Variants in PGAP1 observed in about 807,000 individuals in gnomAD.
PGAP1 encodes post-GPI attachment to proteins inositol deacylase 1.
PGAP1 carries 76 observed loss-of-function variants against 127.0 expected under a neutral mutation model. The observed-to-expected ratio is 0.60, with a 90% confidence interval of 0.50 to 0.72. PGAP1 has a LOEUF of 0.72. Among genes scored for constraint, PGAP1 ranks in the 30% least tolerant of loss-of-function variants. The probability of loss-of-function intolerance (pLI) is 0.00; values close to 1 mark genes in which losing one functional copy is unlikely to be tolerated. For synonymous variants in PGAP1, 362 were observed against 366.5 expected (o/e 0.99, Z 0.14); for missense variants, 982 against 1,071.3 (o/e 0.92, Z 1.16).
In PGAP1 at chr2:196,835,241, T is replaced by C. The variant is rs1700208879; in HGVS notation, c.*5993A>G. On this transcript the variant is annotated 3_prime_UTR_variant, in exon 27 of 27. Coordinates refer to ENST00000354764, the MANE Select transcript of PGAP1 (RefSeq NM_024989.4). ...CCTTTAAGATACGCATATTAAAAGGTTGTACTATGTTAGGTTCCAGTGGAC... is the reference window on the plus strand; with the variant it reads ...CCTTTAAGATACGCATATTAAAAGGCTGTACTATGTTAGGTTCCAGTGGAC... 6.6e-6 allele frequency: 1 copy of C among 152,014 alleles called. No individual in the cohort carries two copies. The highest frequency in any genetic ancestry group is 2.4e-5 in the African/African-American group (1 of 41,432). 9.4% of individuals were successfully genotyped at this position (152,014 alleles called of 1,614,324 possible).
At chr2:196,860,704 G>C (rs1434119405) in intron 20 of PGAP1, among the ~76,000 whole-genome samples, 1 of 152,042 alleles carries the variant, frequency 6.6e-6, no homozygotes, top group East Asian at 1.9e-4. Context: ...AAAATAGAAA[G>C]CAATTCCATC....
In PGAP1 at chr2:196,926,664, C is replaced by T. The variant is rs746578981; in HGVS notation, c.-48G>A. On this transcript the variant is annotated 5_prime_UTR_variant, in exon 1 of 27. Transcript: ENST00000354764. ...CCGCCGCCGCCCCCTCTACCTCCTT[C>T]TCCGCCGCGGGGCCCCAAGCCCGGA... The T allele has an allele frequency of 5.6e-6, 9 of 1,611,302 alleles. No individual in the cohort carries two copies. Among genetic ancestry groups the T allele is most frequent in the Non-Finnish European group, 7.6e-6 (9 of 1,178,902 alleles).
rs1700868139 is a variant in PGAP1, at chr2:196,855,895, T to C, written c.1862-7858A>G. The stretch of plus-strand genomic sequence containing the variant: ...TATATTTGAGAAGATGCACAGAATA[T>C]CTGACTTTAAGGGTTCCCAGCCTGA... On this transcript the variant is annotated intron_variant, in intron 20 of 26. Transcript: ENST00000354764. Among the ~76,000 whole-genome samples, 3 of 152,206 alleles carry C rather than the reference T, an allele frequency of 2.0e-5. No homozygotes were observed. In the South Asian group the frequency reaches 6.2e-4, roughly 32 times the overall value.
In PGAP1 at chr2:196,875,839, G is replaced by A. The variant is rs1701552004; in HGVS notation, c.1351-18C>T. On this transcript the variant is annotated intron_variant, in intron 13 of 26. Coordinates refer to ENST00000354764, the MANE Select transcript of PGAP1 (RefSeq NM_024989.4). Reference sequence around the variant, plus strand: ...ACAACAAACTGAAATATAAAACATTGATTTATTAGAAAAAGTAAGTTAAAT... The same window carrying A: ...ACAACAAACTGAAATATAAAACATTAATTTATTAGAAAAAGTAAGTTAAAT... The A allele has an allele frequency of 1.6e-6, 2 of 1,247,148 alleles. No individual in the cohort carries two copies. Among genetic ancestry groups the A allele is most frequent in the Admixed American group, 3.9e-5 (2 of 51,088 alleles). The allele number at this position is 1,247,148 out of a possible 1,614,324, so 77.3% of individuals were successfully genotyped here. A position where few individuals can be genotyped will look rare whatever the true frequency, so the allele number is the denominator to read the frequency against.
At chr2:196,919,492 C>T (rs1703115721) in intron 2 of PGAP1, among the ~76,000 whole-genome samples, 1 of 152,312 alleles carries the variant, frequency 6.6e-6, no homozygotes, top group East Asian at 1.9e-4. Flanking sequence ...GCTGTATCTC[C>T]AAGCCAGCAT....
chr2:196,861,732 T>C (rs558220607), intron 20 of PGAP1, among the ~76,000 whole-genome samples: 1 of 152,296 alleles, frequency 6.6e-6, no homozygotes, highest in East Asian at 1.9e-4. Context: ...AGAATGTGGA[T>C]TGTGAAGATT....
At chr2:196,874,124 G>A (rs1482479808) in intron 14 of PGAP1, among the ~76,000 whole-genome samples, 1 of 151,870 alleles carries the variant, frequency 6.6e-6, no homozygotes, top group Non-Finnish European at 1.5e-5. Context: ...ACAAAGGGTA[G>A]GGGGAAAAAT....
At chr2:196,906,987 A>C (rs1702742802) in intron 4 of PGAP1, among the ~76,000 whole-genome samples, 1 of 144,988 alleles carries the variant, frequency 6.9e-6, no homozygotes, top group Non-Finnish European at 1.5e-5. Flanking sequence ...GGTGTACCTG[A>C]AAGAGATGTG....
At chr2:196,888,831 C>A (rs1702002305) in intron 10 of PGAP1, among the ~76,000 whole-genome samples, 1 of 151,830 alleles carries the variant, frequency 6.6e-6, no homozygotes, top group South Asian at 2.1e-4. Flanking sequence ...TGTATAAAAT[C>A]CTTATAGGAA....
intron 16 of PGAP1, 90 bp from the exon 17 acceptor site, chr2:196,873,116 G>T: frequency 2.0e-6 from 1 of 491,752 alleles, no homozygotes; most frequent in Non-Finnish European, 3.6e-6. Flanking sequence ...TTATACAATT[G>T]TCCATTTCAT....
chr2:196,848,048 A>T lies in PGAP1; in HGVS notation c.1862-11T>A. On this transcript the variant is annotated splice_polypyrimidine_tract_variant and intron_variant, in intron 20 of 26. Coordinates refer to ENST00000354764, the MANE Select transcript of PGAP1 (RefSeq NM_024989.4). ...ATTCTAAGCAACAACCTGGTGATTTAAAAAAAGTTACATGCAATTTACAGT... is the reference window on the plus strand; with the variant it reads ...ATTCTAAGCAACAACCTGGTGATTTTAAAAAAGTTACATGCAATTTACAGT... 6.4e-7 allele frequency: 1 copy of T among 1,570,770 alleles called. No individual in the cohort carries two copies. The highest frequency in any genetic ancestry group is 8.6e-7 in the Non-Finnish European group (1 of 1,158,176).
intron 20 of PGAP1, 58 bp from the exon 21 acceptor site, chr2:196,848,095 T>C: frequency 8.6e-7 from 1 of 1,167,996 alleles, no homozygotes; most frequent in South Asian, 1.5e-5. Context: ...AGATATACTA[T>C]ATCCCACGTT....
intron 20 of PGAP1, among the ~76,000 whole-genome samples, chr2:196,849,210 T>C (rs1416830955): frequency 1.3e-5 from 2 of 151,730 alleles, no homozygotes; most frequent in South Asian, 2.1e-4. Context: ...CAAAACAAGA[T>C]AGACATTTAT....
chr2:196,902,556 A>G, intron 5 of PGAP1, 29 bp downstream of exon 5: 3 of 1,564,674 alleles, frequency 1.9e-6, no homozygotes, highest in Non-Finnish European at 2.6e-6. Flanking sequence ...TTACATTACT[A>G]TTTCAATAGA....
At chr2:196,916,647 ATTC>A in intron 2 of PGAP1, 54 bp from the exon 3 acceptor site, 1 of 1,469,718 alleles carries the variant, frequency 6.8e-7, no homozygotes, top group Middle Eastern at 1.8e-4. Flanking sequence ...GGTTTCATCC[ATTC>A]TTTCTTCAGA....
intron 4 of PGAP1, among the ~76,000 whole-genome samples, chr2:196,911,540 G>T (rs894003116): frequency 1.1e-5 from 1 of 94,526 alleles, no homozygotes; most frequent in African/African-American, 4.3e-5. Flanking sequence ...GCACCAGCAT[G>T]GCACATGTAT....
chr2:196,861,229 CA>C (rs1701054177), intron 20 of PGAP1, among the ~76,000 whole-genome samples: 2 of 152,076 alleles, frequency 1.3e-5, no homozygotes, highest in South Asian at 4.1e-4. Flanking sequence ...GAAACTACCA[CA>C]AGAATATATT....
rs115090953 is a variant in PGAP1 at position 196,846,063 on chromosome 2, T to C, written c.2151-46A>G. 0.025 allele frequency: 30,069 copies of C among 1,218,382 alleles called. 537 individuals are homozygous for C. The highest frequency in any genetic ancestry group is 0.027 in the Non-Finnish European group (24,274 of 888,494). 75.5% of individuals were successfully genotyped at this position (1,218,382 alleles called of 1,614,324 possible). On this transcript the variant is annotated intron_variant, in intron 22 of 26. Transcript: ENST00000354764. ...TTTAAAATATATATTAACAAATATT[T>C]ATATAGTCACATATAAGAAGAAAAC...
chr2:196,904,332 T>C (rs1299602520), intron 4 of PGAP1, among the ~76,000 whole-genome samples: 2 of 152,198 alleles, frequency 1.3e-5, no homozygotes, highest in South Asian at 2.1e-4. Flanking sequence ...AGCAGCGCTA[T>C]GCTTGGCCAC....
Sources: gnomAD v4.1 joint callset for allele counts (sites outside exome capture counted in the v4.1 genomes callset) on GRCh38, gnomAD v4.1.1 for gene constraint, MANE v1.5 for transcripts, NCBI Gene and HGNC (gene_info 2026-07-23, HGNC 2026-07-21) for gene names.